PTK2: variants seen among roughly 807,000 people sequenced by gnomAD.
PTK2 encodes the protein protein tyrosine kinase 2, also known as focal adhesion kinase 1.
Under a neutral mutation model 150.1 loss-of-function variants are expected in PTK2, and 45 were observed. That is an observed-to-expected ratio of 0.30 (90% CI 0.24 to 0.38). The LOEUF (loss-of-function observed/expected upper bound fraction) is 0.38, where lower values mean the gene tolerates loss of function less well. Among genes scored for constraint, PTK2 ranks in the 10% least tolerant of loss-of-function variants. The probability of loss-of-function intolerance (pLI) is 1.00; values close to 1 mark genes in which losing one functional copy is unlikely to be tolerated. For missense variants in PTK2, 919 were observed against 1,307.3 expected (o/e 0.70, Z 4.58); for synonymous variants, 432 against 449.2 (o/e 0.96, Z 0.48).
At chr8:140,770,772 T>C in intron 14 of PTK2, 1 of 1,348,862 alleles carries the variant, frequency 7.4e-7, no homozygotes, top group East Asian at 3.9e-5. Flanking sequence ...CCTAGCTTTC[T>C]TAACTTTATG....
chr8:140,811,625 G>A (rs964654510), intron 10 of PTK2, among the ~76,000 whole-genome samples: 2 of 152,196 alleles, frequency 1.3e-5, no homozygotes, highest in African/African-American at 4.8e-5. Flanking sequence ...TCATTGAGAT[G>A]TAGGAGTACA....
At chr8:140,962,414 C>T (rs1463796583) in intron 1 of PTK2, among the ~76,000 whole-genome samples, 2 of 152,146 alleles carry the variant, frequency 1.3e-5, no homozygotes, top group Non-Finnish European at 2.9e-5. Flanking sequence ...TGTGTACAAG[C>T]ATCCAGCAAT....
intron 26 of PTK2, among the ~76,000 whole-genome samples, chr8:140,697,253 C>G (rs2154020186): frequency 6.7e-6 from 1 of 149,228 alleles, no homozygotes; most frequent in South Asian, 2.1e-4. Context: ...ACCCAACAGA[C>G]AGGTTTAGGA....
At chr8:140,675,994 T>C (rs777515750) in intron 27 of PTK2, among the ~76,000 whole-genome samples, 2 of 152,160 alleles carry the variant, frequency 1.3e-5, no homozygotes, top group African/African-American at 2.4e-5. Flanking sequence ...ATATCCAAGA[T>C]ACAGAATCAA....
chr8:140,751,797 G>C, intron 17 of PTK2: 1 of 404,462 alleles, frequency 2.5e-6, no homozygotes, highest in East Asian at 6.8e-5. Flanking sequence ...CAGCCTGGGT[G>C]ATTTGTTCTG....
In PTK2 at chr8:140,922,486, G is replaced by A. The variant is rs536663460; in HGVS notation, c.-33+3175C>T. Among the ~76,000 whole-genome samples, 245 of 152,096 alleles carry A rather than the reference G, an allele frequency of 1.6e-3. 2 individuals are homozygous for A. Among genetic ancestry groups the A allele is most frequent in the African/African-American group, 5.8e-3 (240 of 41,504 alleles). The stretch of plus-strand genomic sequence containing the variant: ...GACTGTAAAGGACCACTGTCATGAT[G>A]GGAAGGATAAGAGCACATCCACCAG... On this transcript the variant is annotated intron_variant, in intron 2 of 31. Coordinates refer to ENST00000522684, the Ensembl canonical transcript of PTK2.
At chr8:140,959,173 A>C (rs55827446) in intron 1 of PTK2, among the ~76,000 whole-genome samples, 63,051 of 151,566 alleles carry the variant, frequency 0.42, 14,980 homozygotes, top group Non-Finnish European at 0.55. Context: ...AAGATGATGG[A>C]AAAGGGAGTA....
At chr8:140,920,201 G>A (rs910524173) in intron 2 of PTK2, among the ~76,000 whole-genome samples, 3 of 151,988 alleles carry the variant, frequency 2.0e-5, no homozygotes, top group African/African-American at 7.2e-5. Flanking sequence ...TTTTAGTCAA[G>A]CACCAATTAC....
intron 16 of PTK2, among the ~76,000 whole-genome samples, chr8:140,760,547 T>C (rs2100068820): frequency 6.6e-6 from 1 of 152,086 alleles, no homozygotes; most frequent in Admixed American, 6.6e-5. Flanking sequence ...ATACAGAAAG[T>C]GGATGAGTGG....
chr8:140,871,407 T>C (rs1480821011), intron 4 of PTK2, among the ~76,000 whole-genome samples: 1 of 152,266 alleles, frequency 6.6e-6, no homozygotes, highest in African/African-American at 2.4e-5. Flanking sequence ...ACAAAGATAC[T>C]GGTACCCCTT....
rs186782611 is a variant in PTK2, at chr8:140,781,104, T to C, written c.1177+8370A>G. ...TTGATTTTAATCCACAATTATTGTA[T>C]AGCTATAAGCTACAAACGGGGTGGG... On this transcript the variant is annotated intron_variant, in intron 14 of 31. Transcript: ENST00000522684. Among the ~76,000 whole-genome samples the C allele has an allele frequency of 3.3e-3, 505 of 152,316 alleles. 16 individuals are homozygous for C. Among genetic ancestry groups the C allele is most frequent in the Admixed American group, 0.03 (460 of 15,298 alleles).
chr8:140,772,614 A>G (rs910966906), intron 14 of PTK2, among the ~76,000 whole-genome samples: 6 of 152,248 alleles, frequency 3.9e-5, no homozygotes, highest in South Asian at 2.1e-4. Flanking sequence ...CTCTGATCAC[A>G]TAAGATGATA....
chr8:140,937,701 C>A (rs1298417528), intron 1 of PTK2, among the ~76,000 whole-genome samples: 1 of 152,074 alleles, frequency 6.6e-6, no homozygotes, highest in Non-Finnish European at 1.5e-5. Flanking sequence ...TATTCCTAGT[C>A]CCAAAATACA....
chr8:140,710,105 A>G (rs758205737), intron 23 of PTK2, among the ~76,000 whole-genome samples: 5 of 152,158 alleles, frequency 3.3e-5, no homozygotes, highest in Non-Finnish European at 7.4e-5. Context: ...CTTTGAGCTC[A>G]GGAGTTTGAG....
intron 1 of PTK2, among the ~76,000 whole-genome samples, chr8:140,987,976 T>C (rs2100193978): frequency 2.6e-5 from 4 of 151,010 alleles, no homozygotes; most frequent in Admixed American, 6.6e-5. Flanking sequence ...GCCTGGGAGG[T>C]TGAGGCTGCA....
intron 23 of PTK2, among the ~76,000 whole-genome samples, chr8:140,714,559 G>A (rs1196520022): frequency 6.6e-6 from 1 of 151,634 alleles, no homozygotes; most frequent in East Asian, 1.9e-4. Context: ...CACTTTGGGA[G>A]GCTGAGGCGG....
intron 31 of PTK2, chr8:140,660,626 T>C: frequency 2.2e-6 from 1 of 455,270 alleles, no homozygotes; most frequent in South Asian, 1.6e-5. Flanking sequence ...CTCAGGAGGC[T>C]GACGTGGGAG....
intron 31 of PTK2, among the ~76,000 whole-genome samples, chr8:140,663,344 T>A (rs1317373445): frequency 6.6e-6 from 1 of 152,190 alleles, no homozygotes; most frequent in East Asian, 1.9e-4. Flanking sequence ...TTCATATAAA[T>A]CTGAAATGAT....
At chr8:140,763,156 C>T (rs1056777132) in intron 15 of PTK2, among the ~76,000 whole-genome samples, 3 of 152,202 alleles carry the variant, frequency 2.0e-5, no homozygotes, top group Non-Finnish European at 4.4e-5. Flanking sequence ...CAGCTCTGGC[C>T]TCTTTCGAGT....
Sources: gnomAD v4.1 joint callset for allele counts (sites outside exome capture counted in the v4.1 genomes callset) on GRCh38, gnomAD v4.1.1 for gene constraint, MANE v1.5 for transcripts, NCBI Gene and HGNC (gene_info 2026-07-23, HGNC 2026-07-21) for gene names.